KCNG3: variants seen among roughly 807,000 people sequenced by gnomAD.
KCNG3 encodes potassium voltage-gated channel modifier subfamily G member 3.
KCNG3 carries 15 observed loss-of-function variants against 29.0 expected under a neutral mutation model. That is an observed-to-expected ratio of 0.52 (90% CI 0.35 to 0.80). The LOEUF is 0.80. Ranked by LOEUF, KCNG3 falls within the 30% of genes least tolerant of loss-of-function variation. KCNG3 has a pLI of 0.01. For synonymous variants in KCNG3, 322 were observed against 248.9 expected (o/e 1.29, Z -2.76); for missense variants, 512 against 605.7 (o/e 0.85, Z 1.62).
chr2:42,403,284 G>T, the KCNG3 span, among the ~76,000 whole-genome samples: 1 of 151,746 alleles, frequency 6.6e-6, no homozygotes, highest in Non-Finnish European at 1.5e-5. Flanking sequence ...TGGGACTACA[G>T]GCACACATCA....
chr2:42,456,616 A>G (rs1182571281), intron 1 of KCNG3, among the ~76,000 whole-genome samples: 1 of 152,220 alleles, frequency 6.6e-6, no homozygotes, highest in African/African-American at 2.4e-5. Context: ...AGCCCAACTT[A>G]AAAACATTTT....
intron 1 of KCNG3, among the ~76,000 whole-genome samples, chr2:42,465,781 T>A (rs1046751347): frequency 2.0e-5 from 3 of 152,004 alleles, no homozygotes; most frequent in African/African-American, 4.8e-5. Context: ...TGAAACTCAA[T>A]AGCAAAAATA....
chr2:42,438,020 T>C (rs1672404288), downstream of KCNG3, among the ~76,000 whole-genome samples: 1 of 152,090 alleles, frequency 6.6e-6, no homozygotes, highest in Non-Finnish European at 1.5e-5. Flanking sequence ...GCTCAGAATT[T>C]GTAACTATAA....
At chr2:42,401,535 G>A in the KCNG3 span, among the ~76,000 whole-genome samples, 1 of 151,932 alleles carries the variant, frequency 6.6e-6, no homozygotes, top group African/African-American at 2.4e-5. Context: ...TCAACCTCCT[G>A]GGCTCAAGCG....
At chr2:42,451,443 G>T (rs990775102) in intron 1 of KCNG3, among the ~76,000 whole-genome samples, 2 of 151,552 alleles carry the variant, frequency 1.3e-5, no homozygotes, top group Non-Finnish European at 2.9e-5. Flanking sequence ...ATTAGCAGGG[G>T]GCCGGGCACA....
At chr2:42,452,243 A>ATATATATATATATATATATATATATATT in intron 1 of KCNG3, among the ~76,000 whole-genome samples, 4 of 95,066 alleles carry the variant, frequency 4.2e-5, no homozygotes, top group African/African-American at 1.6e-4. Flanking sequence ...ATATATATAT[A>ATATATATATATATATATATATATATATT]TTTTTTTTTT....
At chr2:42,416,930 C>T in the KCNG3 span, among the ~76,000 whole-genome samples, 1 of 151,602 alleles carries the variant, frequency 6.6e-6, no homozygotes, top group African/African-American at 2.4e-5. Context: ...TCATGTCATA[C>T]CCCACAAATA....
chr2:42,439,656 T>C (rs1193650473), downstream of KCNG3, among the ~76,000 whole-genome samples: 1 of 151,210 alleles, frequency 6.6e-6, no homozygotes, highest in Non-Finnish European at 1.5e-5. Flanking sequence ...AAAAAAATTT[T>C]TTTTTTTGAG....
Position 42,444,405 on chromosome 2 carries a change from T to C in KCNG3, c.840A>G (p.Gln280=). 9 of 1,613,964 alleles carry C rather than the reference T, an allele frequency of 5.6e-6. No individual in the cohort carries two copies. Among genetic ancestry groups the C allele is most frequent in the Non-Finnish European group, 7.6e-6 (9 of 1,179,994 alleles). The change falls in exon 2 of 2, where the codon CAA becomes CAG. Residue 280 remains glutamine, a synonymous_variant. Coordinates refer to ENST00000306078, the MANE Select transcript of KCNG3 (RefSeq NM_133329.6). This position sits in a 1 kb window ranked among gnomAD's most constrained non-coding sequence, Gnocchi z 5.8. The part of the protein sequence containing the change: ...LMTVFTGENS[Q]LQRAGVTLRV... ...TCAAGGTGACTCCAGCCCTCTGGAG[T>C]TGAGAGTTCTCGCCTGTAAACACTG...
chr2:42,430,141 C>A, the KCNG3 span, among the ~76,000 whole-genome samples: 4 of 151,958 alleles, frequency 2.6e-5, no homozygotes, highest in African/African-American at 9.7e-5. Context: ...CCAAGGCAGG[C>A]AGATCACTTG....
At chr2:42,426,185 T>C in the KCNG3 span, among the ~76,000 whole-genome samples, 1 of 152,326 alleles carries the variant, frequency 6.6e-6, no homozygotes, top group East Asian at 1.9e-4. Context: ...TGACAAATAC[T>C]AAATAACACA....
chr2:42,492,926 C>A lies in KCNG3; in HGVS notation c.576G>T (p.Thr192=). Residue 192 remains threonine, a synonymous_variant, in exon 1 of 2, where the codon ACG becomes ACT. Transcript: ENST00000306078. ...IVSMVVLCAS[T]LPDWRNAAAD... is the part of the protein sequence containing the mutation. ...CGGCTGCGTTGCGCCAGTCGGGCAACGTGCTGGCGCACAGCACCACCATGG... is the reference window on the plus strand; with the variant it reads ...CGGCTGCGTTGCGCCAGTCGGGCAAAGTGCTGGCGCACAGCACCACCATGG... 6.3e-7 allele frequency: 1 copy of A among 1,586,006 alleles called. No individual in the cohort carries two copies. The highest frequency in any genetic ancestry group is 8.5e-7 in the Non-Finnish European group (1 of 1,170,182).
chr2:42,480,199 A>C (rs1673547350), intron 1 of KCNG3, among the ~76,000 whole-genome samples: 1 of 152,146 alleles, frequency 6.6e-6, no homozygotes, highest in South Asian at 2.1e-4. Context: ...GGTGGTCCTC[A>C]GTTGGATCCA....
chr2:42,489,199 G>A (rs558071217), intron 1 of KCNG3, among the ~76,000 whole-genome samples: 8 of 152,000 alleles, frequency 5.3e-5, no homozygotes, highest in Admixed American at 3.9e-4. Flanking sequence ...GAGCCACCAC[G>A]CCTGGCCTGT....
the KCNG3 span, among the ~76,000 whole-genome samples, chr2:42,414,333 G>T: frequency 3.8e-4 from 58 of 152,100 alleles, no homozygotes; most frequent in Non-Finnish European, 7.1e-4. Context: ...GTTTAGCTGG[G>T]TATGAAATTC....
the KCNG3 span, among the ~76,000 whole-genome samples, chr2:42,391,902 T>C: frequency 6.6e-6 from 1 of 152,180 alleles, no homozygotes; most frequent in East Asian, 1.9e-4. Context: ...GCGCCCGGCC[T>C]AAACATTTTA....
chr2:42,444,891 G>A lies in KCNG3; in HGVS notation c.666-312C>T, dbSNP rs979452768. On this transcript the variant is annotated intron_variant, in intron 1 of 1. Coordinates refer to ENST00000306078, the MANE Select transcript of KCNG3 (RefSeq NM_133329.6). This position sits in a 1 kb window ranked among gnomAD's most constrained non-coding sequence, Gnocchi z 5.8. The stretch of plus-strand genomic sequence containing the variant: ...AACCTGGGCACCACAGCAAAACCCC[G>A]TCTCCACAAAAAAAAAATACAAAAA... Among the ~76,000 whole-genome samples the A allele has an allele frequency of 3.5e-5, 2 of 56,882 alleles. No homozygotes were observed. Among genetic ancestry groups the A allele is most frequent in the Non-Finnish European group, 3.7e-5 (1 of 26,992 alleles). 37.3% of individuals were successfully genotyped at this position (56,882 alleles called of 152,430 possible). A position where few individuals can be genotyped will look rare whatever the true frequency, so the allele number is the denominator to read the frequency against.
chr2:42,455,107 A>G (rs1224251519), intron 1 of KCNG3, among the ~76,000 whole-genome samples: 1 of 152,248 alleles, frequency 6.6e-6, no homozygotes, highest in Non-Finnish European at 1.5e-5. Context: ...ATACAAATCT[A>G]TGCCCCCAAG....
chr2:42,486,398 T>TC (rs1558390206), intron 1 of KCNG3, among the ~76,000 whole-genome samples: 2 of 152,174 alleles, frequency 1.3e-5, no homozygotes, highest in Admixed American at 1.3e-4. Flanking sequence ...CTGTTGACCC[T>TC]CCCTTCATTC....
Sources: gnomAD v4.1 joint callset for allele counts (sites outside exome capture counted in the v4.1 genomes callset) on GRCh38, gnomAD v4.1.1 for gene constraint, Gnocchi (gnomAD v3.1) non-coding constraint, MANE v1.5 for transcripts, NCBI Gene and HGNC (gene_info 2026-07-23, HGNC 2026-07-21) for gene names.